The following SMOC2 variants were observed in gnomAD, a reference collection of about 807,000 sequenced individuals.
SMOC2 encodes the protein SPARC related modular calcium binding 2, also known as SPARC-related modular calcium-binding protein 2.
A neutral mutation model predicts 61.4 loss-of-function variants in SMOC2; 39 were observed. The observed-to-expected ratio is 0.64, with a 90% CI of 0.49 to 0.83. The LOEUF is 0.83. Ranked by LOEUF, SMOC2 falls within the 40% of genes least tolerant of loss-of-function variation. SMOC2 has a pLI of 0.00. For missense variants in SMOC2, 556 were observed against 592.9 expected, an observed-to-expected ratio of 0.94 and a Z score of 0.65; for synonymous variants, 247 against 239.9, an observed-to-expected ratio of 1.03 and a Z score of -0.27.
chr6:168,534,627 CTT>C (rs1234310401), intron 4 of SMOC2, among the ~76,000 whole-genome samples: 2 of 152,218 alleles, frequency 1.3e-5, no homozygotes, highest in Non-Finnish European at 2.9e-5. Flanking sequence ...TCTGGTGTAA[CTT>C]TTTCTATTCA....
intron 1 of SMOC2, among the ~76,000 whole-genome samples, chr6:168,477,345 A>C (rs1198339859): frequency 6.6e-6 from 1 of 151,978 alleles, no homozygotes; most frequent in East Asian, 1.9e-4. Flanking sequence ...CCCAAATCTT[A>C]CTCTTTACCT....
At chr6:168,577,453 G>C (rs1393547320) in intron 7 of SMOC2, among the ~76,000 whole-genome samples, 2 of 152,204 alleles carry the variant, frequency 1.3e-5, no homozygotes, top group Non-Finnish European at 2.9e-5. Flanking sequence ...TTCAGATGAG[G>C]GTTCTGGTTT....
At chr6:168,560,571 C>T (rs10945516) in intron 7 of SMOC2, among the ~76,000 whole-genome samples, 21,732 of 65,964 alleles carry the variant, frequency 0.33, 3,992 homozygotes, top group East Asian at 0.58. Context: ...GCTCTCACTG[C>T]ATTCTTGGAG....
At chr6:168,580,219 A>C (rs1246462169) in intron 7 of SMOC2, among the ~76,000 whole-genome samples, 1 of 152,240 alleles carries the variant, frequency 6.6e-6, no homozygotes, top group Non-Finnish European at 1.5e-5. Context: ...GAAATAAATC[A>C]GAACAGACAC....
At position 168,599,076 on chromosome 6, in the gene SMOC2, C is replaced by G. The variant is rs116766306; in HGVS notation, c.824+72C>G. The G allele has an allele frequency of 2.0e-3, 2,742 of 1,344,828 alleles. 32 individuals are homozygous for G. The African/African-American group carries it at 0.03, about 15-fold the overall frequency. The allele number at this position is 1,344,828 out of a possible 1,614,324, so 83.3% of individuals were successfully genotyped here. Reference sequence around the variant, plus strand: ...GGTGTGGAAGCCAGGAAAGCAGAACCCCCACTTCCCCCAACACACACCGAC... The same window carrying G: ...GGTGTGGAAGCCAGGAAAGCAGAACGCCCACTTCCCCCAACACACACCGAC... On this transcript the variant is annotated intron_variant, in intron 8 of 12. Transcript: ENST00000356284.
chr6:168,643,682 C>T (rs1385388188), intron 9 of SMOC2, among the ~76,000 whole-genome samples: 1 of 152,206 alleles, frequency 6.6e-6, no homozygotes, highest in Non-Finnish European at 1.5e-5. Flanking sequence ...GAGCTCGGCA[C>T]AAAATCACCT....
chr6:168,538,750 G>T (rs1323974511), intron 4 of SMOC2, among the ~76,000 whole-genome samples: 1 of 143,526 alleles, frequency 7.0e-6, no homozygotes, highest in African/African-American at 2.6e-5. Flanking sequence ...GGGGGAGTGG[G>T]GTGACCCCTG....
At position 168,598,765 on chromosome 6, in the gene SMOC2, G is replaced by A. The variant is rs3734422; in HGVS notation, c.638-53G>A. On this transcript the variant is annotated intron_variant, in intron 7 of 12. Coordinates refer to ENST00000356284, the MANE Select transcript of SMOC2 (RefSeq NM_001166412.2). Reference sequence around the variant, plus strand: ...CTGTGGCCTCCCAAGAGCTCTGCATGTGGGACGACGTCGCTGGATCCTGCT... The same window carrying A: ...CTGTGGCCTCCCAAGAGCTCTGCATATGGGACGACGTCGCTGGATCCTGCT... 273 of 1,589,020 alleles carry A rather than the reference G, an allele frequency of 1.7e-4. No homozygotes were observed. In the East Asian group the frequency reaches 5.9e-3, roughly 35 times the overall value.
chr6:168,602,862 G>A (rs1430489160), intron 8 of SMOC2, among the ~76,000 whole-genome samples: 1 of 152,206 alleles, frequency 6.6e-6, no homozygotes, highest in Non-Finnish European at 1.5e-5. Flanking sequence ...ACAGTGGCTG[G>A]GGAGGGTTGT....
In SMOC2 at chr6:168,554,890, G is replaced by A. The variant is rs189028767; in HGVS notation, c.637+5687G>A. Among the ~76,000 whole-genome samples, 69 of 152,294 alleles carry A rather than the reference G, an allele frequency of 4.5e-4. 2 individuals carry two copies. In the East Asian group the frequency reaches 0.013, roughly 28 times the overall value. On this transcript the variant is annotated intron_variant, in intron 7 of 12. Transcript: ENST00000356284. ...GTCTCACTTTGCCCAAGATGCCGGG[G>A]GCATCTGCTGCTGGGTCCCCTCTCA...
At chr6:168,583,724 C>A (rs546899629) in intron 7 of SMOC2, among the ~76,000 whole-genome samples, 2 of 152,206 alleles carry the variant, frequency 1.3e-5, no homozygotes, top group East Asian at 3.9e-4. Flanking sequence ...AGGCTTGGGC[C>A]CAAAGTCCCA....
At chr6:168,656,007 G>A (rs975165408) in intron 11 of SMOC2, among the ~76,000 whole-genome samples, 1 of 152,270 alleles carries the variant, frequency 6.6e-6, no homozygotes, top group African/African-American at 2.4e-5. Context: ...CTGCACATGT[G>A]TGCTGGATCT....
At chr6:168,604,642 A>G (rs1785640491) in intron 8 of SMOC2, among the ~76,000 whole-genome samples, 1 of 152,218 alleles carries the variant, frequency 6.6e-6, no homozygotes, top group African/African-American at 2.4e-5. Flanking sequence ...ATCATCCTCT[A>G]AATTTCCTGA....
intron 1 of SMOC2, among the ~76,000 whole-genome samples, chr6:168,476,843 G>T (rs1464492607): frequency 6.6e-6 from 1 of 151,414 alleles, no homozygotes; most frequent in Non-Finnish European, 1.5e-5. Context: ...CACTTCAAGG[G>T]ATTTTAATAC....
intron 9 of SMOC2, among the ~76,000 whole-genome samples, chr6:168,619,767 C>T (rs775066341): frequency 3.9e-5 from 6 of 152,218 alleles, no homozygotes; most frequent in African/African-American, 7.2e-5. Context: ...TCAGGTGAGA[C>T]CACAGTGAGG....
intron 7 of SMOC2, among the ~76,000 whole-genome samples, chr6:168,578,370 G>A (rs1006523045): frequency 2.0e-5 from 3 of 152,218 alleles, no homozygotes; most frequent in African/African-American, 7.2e-5. Flanking sequence ...GGAAGTGTTT[G>A]GAGCTGGAAA....
intron 2 of SMOC2, among the ~76,000 whole-genome samples, chr6:168,524,982 T>C (rs760288817): frequency 2.0e-5 from 3 of 152,254 alleles, no homozygotes; most frequent in Non-Finnish European, 4.4e-5. Flanking sequence ...GCCAGCACTT[T>C]AACCACGAGG....
intron 4 of SMOC2, among the ~76,000 whole-genome samples, chr6:168,531,308 G>A (rs891508129): frequency 6.6e-6 from 1 of 152,170 alleles, no homozygotes; most frequent in African/African-American, 2.4e-5. Flanking sequence ...TTCATTACGT[G>A]TACATTTATC....
At position 168,664,529 on chromosome 6, in the gene SMOC2, A is replaced by G. The variant is rs183074091; in HGVS notation, c.1323+418A>G. 1.0e-5 allele frequency: 4 copies of G among 386,328 alleles called. No homozygotes were observed. In the Admixed American group the frequency reaches 1.5e-4, roughly 14 times the overall value. The allele number at this position is 386,328 out of a possible 1,614,324, so 23.9% of individuals were successfully genotyped here. On this transcript the variant is annotated intron_variant, in intron 12 of 12. Transcript: ENST00000356284. ...GTACCCGGCTGAATTTTTTCAAGCA[A>G]TTGTCTGAGTGTTTGTAATTTGGTT...
Sources: allele counts gnomAD v4.1 joint callset (sites outside exome capture counted in the v4.1 genomes callset), GRCh38; gene constraint gnomAD v4.1.1; transcripts MANE v1.5; gene names NCBI Gene and HGNC (gene_info 2026-07-23, HGNC 2026-07-21).